The following NKAIN3 variants were observed in gnomAD, a reference collection of about 807,000 sequenced individuals.
The protein encoded by NKAIN3 is sodium/potassium transporting ATPase interacting 3.
In NKAIN3, 25 loss-of-function variants were observed where a neutral mutation model predicts 30.2. That is an observed-to-expected ratio of 0.83 (90% CI 0.60 to 1.16). The LOEUF (loss-of-function observed/expected upper bound fraction) is 1.16. Ranked by LOEUF, NKAIN3 falls within the 50% of genes most tolerant of loss-of-function variation. The pLI, the probability that NKAIN3 is intolerant of heterozygous loss-of-function variation, is 0.00. For synonymous variants in NKAIN3, 91 were observed against 89.6 expected, an observed-to-expected ratio of 1.02 and a Z score of -0.09; for missense variants, 225 against 254.1, an observed-to-expected ratio of 0.89 and a Z score of 0.78.
rs1554549113 is a variant in NKAIN3 at position 62,571,997 on chromosome 8, ATTGGGC to A, written c.55-7539_55-7534del. Among the ~76,000 whole-genome samples, 3 of 152,104 alleles carry A rather than the reference ATTGGGC, an allele frequency of 2.0e-5. 1 individual carries two copies. The highest frequency in any genetic ancestry group is 4.4e-5 in the Non-Finnish European group (3 of 68,014). On this transcript the variant is annotated intron_variant, in intron 1 of 6. Coordinates refer to ENST00000623646, the MANE Select transcript of NKAIN3 (RefSeq NM_001304533.3). ...TTTCCCCATTGTCTTGGGGATTAAC[ATTGGGC>A]TTCTCTTTACTTAGGCAAATTTCTG...
At position 62,665,935 on chromosome 8, in the gene NKAIN3, G is replaced by T. The variant is rs534360982; in HGVS notation, c.273+76141G>T. The stretch of plus-strand genomic sequence containing the variant: ...GTGACATGGAATTTATCAGAATTCG[G>T]CTGGGCACAATGGTTCACGCCTGTA... On this transcript the variant is annotated intron_variant, in intron 3 of 6. Transcript: ENST00000623646. 6.6e-5 allele frequency among the ~76,000 whole-genome samples: 10 copies of T among 152,238 alleles called. No homozygotes were observed. The South Asian group carries it at 1.9e-3, about 28-fold the overall frequency.
intron 4 of NKAIN3, among the ~76,000 whole-genome samples, chr8:62,866,973 T>G (rs1586287364): frequency 6.8e-6 from 1 of 147,582 alleles, no homozygotes; most frequent in Non-Finnish European, 1.5e-5. Context: ...GAGAATGGCG[T>G]GAACGCTGGA....
At chr8:62,540,826 C>T (rs1808813861) in intron 1 of NKAIN3, among the ~76,000 whole-genome samples, 1 of 151,380 alleles carries the variant, frequency 6.6e-6, no homozygotes, top group South Asian at 2.1e-4. Flanking sequence ...GTGTTTCCTT[C>T]AGTCTTGAAA....
At chr8:62,918,547 T>A in intron 5 of NKAIN3, 34 bp downstream of exon 5, 1 of 1,431,336 alleles carries the variant, frequency 7.0e-7, no homozygotes, top group Non-Finnish European at 9.8e-7. Context: ...TGTGGGTTCC[T>A]TTTGAATGAG....
chr8:62,912,058 A>C (rs2130850511), intron 4 of NKAIN3, among the ~76,000 whole-genome samples: 1 of 152,308 alleles, frequency 6.6e-6, no homozygotes, highest in African/African-American at 2.4e-5. Flanking sequence ...GTTTACTTAC[A>C]CAGAACTAGG....
chr8:62,261,459 T>C (rs960958212), intron 1 of NKAIN3, among the ~76,000 whole-genome samples: 2 of 152,150 alleles, frequency 1.3e-5, no homozygotes, highest in African/African-American at 2.4e-5. Context: ...TGAGGGAAAG[T>C]TATTTCTGCT....
chr8:62,259,285 T>A (rs867383500), intron 1 of NKAIN3, among the ~76,000 whole-genome samples: 1 of 152,210 alleles, frequency 6.6e-6, no homozygotes, highest in African/African-American at 2.4e-5. Context: ...GTTGCACTTT[T>A]CAGTAACATT....
At chr8:62,516,060 GAAGTA>G (rs1807975091) in intron 1 of NKAIN3, among the ~76,000 whole-genome samples, 1 of 151,908 alleles carries the variant, frequency 6.6e-6, no homozygotes. Context: ...TTTAAGAAAG[GAAGTA>G]AAGTACACTT....
intron 4 of NKAIN3, among the ~76,000 whole-genome samples, chr8:62,908,948 C>T (rs1029797784): frequency 1.3e-5 from 2 of 152,186 alleles, no homozygotes; most frequent in African/African-American, 2.4e-5. Flanking sequence ...AAGGATTCTT[C>T]TGCCTTTCTT....
chr8:62,662,236 A>G (rs1363986833), intron 3 of NKAIN3, among the ~76,000 whole-genome samples: 2 of 152,222 alleles, frequency 1.3e-5, no homozygotes, highest in Non-Finnish European at 2.9e-5. Flanking sequence ...TTGGGTACTC[A>G]CTGAGGTCTC....
At chr8:62,794,145 T>C (rs1048180720) in intron 4 of NKAIN3, among the ~76,000 whole-genome samples, 7 of 152,206 alleles carry the variant, frequency 4.6e-5, no homozygotes, top group Non-Finnish European at 1.5e-5. Context: ...TGCTTTTGCC[T>C]TCTGTTTGCC....
intron 4 of NKAIN3, among the ~76,000 whole-genome samples, chr8:62,824,399 C>A (rs997523745): frequency 2.6e-5 from 4 of 151,920 alleles, no homozygotes; most frequent in Non-Finnish European, 4.4e-5. Context: ...GGTACCCAAC[C>A]TACTGGATGC....
intron 5 of NKAIN3, among the ~76,000 whole-genome samples, chr8:62,929,757 G>T (rs551846299): frequency 6.6e-6 from 1 of 152,026 alleles, no homozygotes; most frequent in Admixed American, 6.5e-5. Flanking sequence ...TGTCCAACCC[G>T]CAGCCCATGG....
At chr8:62,921,390 T>G (rs1224879150) in intron 5 of NKAIN3, among the ~76,000 whole-genome samples, 1 of 152,148 alleles carries the variant, frequency 6.6e-6, no homozygotes, top group Admixed American at 6.6e-5. Flanking sequence ...CAGCCAGCCT[T>G]AAAAATTAAT....
chr8:62,605,852 A>G (rs1811109286), intron 3 of NKAIN3, among the ~76,000 whole-genome samples: 1 of 152,082 alleles, frequency 6.6e-6, no homozygotes, highest in Non-Finnish European at 1.5e-5. Flanking sequence ...AACAATTGTA[A>G]TAGAAACAAA....
In NKAIN3 at chr8:62,787,460, T is replaced by C. The variant is rs971289294; in HGVS notation, c.471+40331T>C. ...TCCAATAGTTAGCCATGATACTTAA[T>C]TATAAACTTCCTGTGTAACCAGGAC... On this transcript the variant is annotated intron_variant, in intron 4 of 6. Coordinates refer to ENST00000623646, the MANE Select transcript of NKAIN3 (RefSeq NM_001304533.3). 3.9e-5 allele frequency among the ~76,000 whole-genome samples: 6 copies of C among 152,262 alleles called. No homozygotes were observed. The East Asian group carries it at 7.7e-4, about 20-fold the overall frequency.
At chr8:62,901,957 A>G (rs530274777) in intron 4 of NKAIN3, among the ~76,000 whole-genome samples, 1 of 152,170 alleles carries the variant, frequency 6.6e-6, no homozygotes, top group Non-Finnish European at 1.5e-5. Flanking sequence ...ATGGCTCCTT[A>G]TTGGCTAAGT....
downstream of NKAIN3, among the ~76,000 whole-genome samples, chr8:62,988,305 T>C (rs984238370): frequency 6.6e-6 from 1 of 152,220 alleles, no homozygotes; most frequent in African/African-American, 2.4e-5. Context: ...GAAGCTCCAC[T>C]AGGCAGTGCC....
At chr8:62,885,573 G>A (rs1020595560) in intron 4 of NKAIN3, among the ~76,000 whole-genome samples, 4 of 152,202 alleles carry the variant, frequency 2.6e-5, no homozygotes, top group Non-Finnish European at 5.9e-5. Flanking sequence ...TTTCTGAACA[G>A]GGACATTGAA....
Sources: allele counts gnomAD v4.1 joint callset (sites outside exome capture counted in the v4.1 genomes callset), GRCh38; gene constraint gnomAD v4.1.1; transcripts MANE v1.5; gene names NCBI Gene and HGNC (gene_info 2026-07-23, HGNC 2026-07-21).